Variants in CNTN4 observed in about 807,000 individuals in gnomAD.
The protein encoded by CNTN4 is contactin 4.
Under a neutral mutation model 122.5 loss-of-function variants are expected in CNTN4, and 77 were observed. That is an observed-to-expected ratio of 0.63 (90% CI 0.52 to 0.76). The LOEUF is 0.76. CNTN4 is among the 30% of genes least tolerant of loss of function. The probability of loss-of-function intolerance (pLI) is 0.00; values close to 1 mark genes in which losing one functional copy is unlikely to be tolerated. For missense variants in CNTN4, 1,256 were observed against 1,259.1 expected, an observed-to-expected ratio of 1.00 and a Z score of 0.04; for synonymous variants, 512 against 447.0, an observed-to-expected ratio of 1.15 and a Z score of -1.83.
intron 4 of CNTN4, among the ~76,000 whole-genome samples, chr3:2,639,461 C>G (rs776671161): frequency 7.9e-5 from 12 of 152,212 alleles, no homozygotes; most frequent in Non-Finnish European, 1.2e-4. Context: ...CTATTTCCTA[C>G]TGCATCTTAC....
chr3:2,322,415 TA>T (rs1266672571), intron 2 of CNTN4, among the ~76,000 whole-genome samples: 1 of 151,508 alleles, frequency 6.6e-6, no homozygotes, highest in East Asian at 1.9e-4. Context: ...TTGAAAACAC[TA>T]ACTGACTGAA....
At chr3:2,944,030 AAAAAAT>A (rs1418468980) in intron 13 of CNTN4, among the ~76,000 whole-genome samples, 11 of 152,310 alleles carry the variant, frequency 7.2e-5, no homozygotes, top group Non-Finnish European at 1.3e-4. Flanking sequence ...GTTCCATAGT[AAAAAAT>A]AAAAATAAAA....
At chr3:2,664,002 G>C (rs1010177119) in intron 4 of CNTN4, among the ~76,000 whole-genome samples, 1 of 152,116 alleles carries the variant, frequency 6.6e-6, no homozygotes, top group African/African-American at 2.4e-5. Context: ...GGTAGGTGGG[G>C]GTGGTTGGGT....
intron 2 of CNTN4, among the ~76,000 whole-genome samples, chr3:2,224,354 A>C (rs1239471937): frequency 6.6e-6 from 1 of 152,114 alleles, no homozygotes; most frequent in Non-Finnish European, 1.5e-5. Flanking sequence ...TGAGTTCCTA[A>C]TAGGCATCCC....
At position 2,328,189 on chromosome 3, in the gene CNTN4, G is replaced by A. The variant is rs551995575; in HGVS notation, c.-144-10989G>A. ...GGGAGGCCGAGGCGGGCGGATCACG[G>A]GGTCAGGAGATCGAGACCATCCTGG... On this transcript the variant is annotated intron_variant, in intron 2 of 24. Transcript: ENST00000418658. Among the ~76,000 whole-genome samples, 1,161 of 152,150 alleles carry A rather than the reference G, an allele frequency of 7.6e-3. 8 individuals carry two copies. The highest frequency in any genetic ancestry group is 0.025 in the African/African-American group (1,057 of 41,524).
chr3:2,810,238 C>T (rs961163260), intron 6 of CNTN4, among the ~76,000 whole-genome samples: 2 of 152,066 alleles, frequency 1.3e-5, no homozygotes, highest in Non-Finnish European at 2.9e-5. Flanking sequence ...GTGGTGAAGA[C>T]CGAATGAATA....
At chr3:2,869,941 G>A (rs1289261592) in intron 8 of CNTN4, among the ~76,000 whole-genome samples, 5 of 152,136 alleles carry the variant, frequency 3.3e-5, no homozygotes, top group East Asian at 1.9e-4. Context: ...GTGGCATTTT[G>A]TAAGAAATCT....
chr3:2,292,483 G>A (rs1266936293), intron 2 of CNTN4, among the ~76,000 whole-genome samples: 5 of 152,138 alleles, frequency 3.3e-5, no homozygotes, highest in African/African-American at 9.7e-5. Flanking sequence ...TGTACAATGT[G>A]TTAACTTTTT....
intron 23 of CNTN4, among the ~76,000 whole-genome samples, chr3:3,048,954 G>T (rs1438348020): frequency 6.6e-6 from 1 of 152,160 alleles, no homozygotes; most frequent in African/African-American, 2.4e-5. Flanking sequence ...AGAGCATCTG[G>T]TTTTAGTATC....
chr3:2,780,702 T>A (rs1336363362), intron 6 of CNTN4, among the ~76,000 whole-genome samples: 1 of 152,214 alleles, frequency 6.6e-6, no homozygotes, highest in Non-Finnish European at 1.5e-5. Context: ...TTGTAGTCCT[T>A]GCTATTCCCC....
chr3:2,386,515 T>G (rs1245242413), intron 3 of CNTN4, among the ~76,000 whole-genome samples: 1 of 152,222 alleles, frequency 6.6e-6, no homozygotes, highest in East Asian at 1.9e-4. Context: ...TGTGTTTACA[T>G]TGCATTGAAA....
At chr3:2,416,454 C>G (rs1028176364) in intron 3 of CNTN4, among the ~76,000 whole-genome samples, 2 of 152,252 alleles carry the variant, frequency 1.3e-5, no homozygotes, top group South Asian at 2.1e-4. Flanking sequence ...GGGAGGTAAT[C>G]TAACCATCTT....
chr3:2,160,598 C>T (rs944676442), intron 2 of CNTN4, among the ~76,000 whole-genome samples: 5 of 152,138 alleles, frequency 3.3e-5, no homozygotes, highest in African/African-American at 9.7e-5. Context: ...TAAGTTGTTA[C>T]TGTTATTGCT....
chr3:2,608,369 G>T (rs1964544), intron 4 of CNTN4, among the ~76,000 whole-genome samples: 1 of 152,026 alleles, frequency 6.6e-6, no homozygotes, highest in Non-Finnish European at 1.5e-5. Flanking sequence ...CTGAGGTGGG[G>T]GGATCACTAG....
chr3:2,792,175 C>T (rs372391976), intron 6 of CNTN4, among the ~76,000 whole-genome samples: 5 of 152,222 alleles, frequency 3.3e-5, no homozygotes, highest in African/African-American at 1.2e-4. Context: ...GCACTTAAGA[C>T]ATGGACATTC....
At chr3:2,389,003 CA>C (rs1156767959) in intron 3 of CNTN4, among the ~76,000 whole-genome samples, 13 of 150,198 alleles carry the variant, frequency 8.7e-5, no homozygotes, top group Admixed American at 5.3e-4. Flanking sequence ...GCTAAAAATA[CA>C]AAAAAAATTA....
intron 2 of CNTN4, among the ~76,000 whole-genome samples, chr3:2,227,569 C>T (rs978474214): frequency 2.0e-5 from 3 of 152,170 alleles, no homozygotes; most frequent in Non-Finnish European, 4.4e-5. Flanking sequence ...CATCTTCTCT[C>T]TCTCTGCACT....
At chr3:2,204,494 A>G (rs192078502) in intron 2 of CNTN4, among the ~76,000 whole-genome samples, 4 of 152,248 alleles carry the variant, frequency 2.6e-5, no homozygotes, top group Non-Finnish European at 4.4e-5. Flanking sequence ...GTGTATCTCT[A>G]CTTGTTTTAT....
intron 4 of CNTN4, among the ~76,000 whole-genome samples, chr3:2,719,581 G>A (rs574204496): frequency 1.1e-4 from 16 of 152,050 alleles, no homozygotes; most frequent in South Asian, 6.2e-4. Flanking sequence ...GAGTGACCAC[G>A]CCCAGCTAAT....
Sources: gnomAD v4.1 joint callset for allele counts (sites outside exome capture counted in the v4.1 genomes callset) on GRCh38, gnomAD v4.1.1 for gene constraint, MANE v1.5 for transcripts, NCBI Gene and HGNC (gene_info 2026-07-23, HGNC 2026-07-21) for gene names.